The following THRB variants were observed in gnomAD, a reference collection of about 807,000 sequenced individuals.
THRB encodes the protein nuclear receptor subfamily 1 group A member 2.
In THRB, 12 loss-of-function variants were observed where a neutral mutation model predicts 47.8. That is an observed-to-expected ratio of 0.25 (90% CI 0.16 to 0.41). THRB has a LOEUF of 0.41. THRB is among the 10% of genes least tolerant of loss of function. The pLI is 1.00. For synonymous variants in THRB, 218 were observed against 212.2 expected, an observed-to-expected ratio of 1.03 and a Z score of -0.24; for missense variants, 348 against 589.2, an observed-to-expected ratio of 0.59 and a Z score of 4.24.
At chr3:24,417,096 AC>A (rs1560136469) in intron 1 of THRB, among the ~76,000 whole-genome samples, 34 of 2,952 alleles carry the variant, frequency 0.012, no homozygotes, top group African/African-American at 0.016. Flanking sequence ...TTTTAAACCA[AC>A]ACACACACAC....
At chr3:24,328,135 G>T (rs987841419) in intron 2 of THRB, among the ~76,000 whole-genome samples, 1 of 152,074 alleles carries the variant, frequency 6.6e-6, no homozygotes, top group Non-Finnish European at 1.5e-5. Context: ...TAATGTTGGC[G>T]AGGCCATAGG....
chr3:24,241,136 C>A (rs2049451064), intron 3 of THRB, among the ~76,000 whole-genome samples: 1 of 152,048 alleles, frequency 6.6e-6, no homozygotes, highest in African/African-American at 2.4e-5. Context: ...GGGAGTGTAC[C>A]CATTGGGCAC....
At position 24,153,055 on chromosome 3, in the gene THRB, G is replaced by T. The variant is rs112850097; in HGVS notation, c.284-565C>A. ...AGGTGGGAATGGCAGGAAGGCTGTA[G>T]AGCCAGTGACTCAAGCAGAGAGGCC... On this transcript the variant is annotated intron_variant, in intron 5 of 10. Transcript: ENST00000646209. 9.5e-3 allele frequency among the ~76,000 whole-genome samples: 1,437 copies of T among 151,860 alleles called. 16 individuals carry two copies. Among genetic ancestry groups the T allele is most frequent in the African/African-American group, 0.031 (1,274 of 41,378 alleles).
chr3:24,425,435 C>T (rs574904299), intron 1 of THRB, among the ~76,000 whole-genome samples: 23 of 151,832 alleles, frequency 1.5e-4, no homozygotes, highest in Admixed American at 4.6e-4. Flanking sequence ...AATGTGAGTA[C>T]GCACCTTTTT....
At chr3:24,299,841 G>T (rs1170016550) in intron 2 of THRB, among the ~76,000 whole-genome samples, 8 of 141,890 alleles carry the variant, frequency 5.6e-5, no homozygotes, top group Non-Finnish European at 1.2e-4. Context: ...AATGCATGTG[G>T]TTTTCTCTGG....
chr3:24,190,306 C>T lies in THRB; in HGVS notation c.51G>A (p.Pro17=), dbSNP rs920415773. 12 of 1,613,952 alleles carry T rather than the reference C, an allele frequency of 7.4e-6. No homozygotes were observed. Among genetic ancestry groups the T allele is most frequent in the South Asian group, 1.1e-5 (1 of 91,080 alleles). The part of the protein sequence containing the change: ...TENGLTAWDK[P]KHCPDREHDW... ...CGTGTTCTCGGTCTGGACAGTGCTTCGGTTTGTCCCAGGCTGTAAGGCCAT... is the reference window on the plus strand; with the variant it reads ...CGTGTTCTCGGTCTGGACAGTGCTTTGGTTTGTCCCAGGCTGTAAGGCCAT... The change falls in exon 5 of 11, where the codon CCG becomes CCA. Residue 17 remains proline, a synonymous_variant. Coordinates refer to ENST00000646209, the MANE Select transcript of THRB (RefSeq NM_001354712.2).
chr3:24,176,908 C>A (rs1240277812), intron 5 of THRB, among the ~76,000 whole-genome samples: 1 of 152,086 alleles, frequency 6.6e-6, no homozygotes, highest in Non-Finnish European at 1.5e-5. Flanking sequence ...AATCATTGAA[C>A]TATACACTTA....
At chr3:24,364,160 G>T (rs1359314013) in intron 1 of THRB, among the ~76,000 whole-genome samples, 1 of 152,094 alleles carries the variant, frequency 6.6e-6, no homozygotes, top group African/African-American at 2.4e-5. Context: ...AACCAATATG[G>T]AAAAGCATAT....
At position 24,228,996 on chromosome 3, in the gene THRB, C is replaced by A; in HGVS notation, c.-37G>T. On this transcript the variant is annotated 5_prime_UTR_variant, in exon 4 of 11. An upstream start codon of the reference 5' UTR is lost. Coordinates refer to ENST00000646209, the MANE Select transcript of THRB (RefSeq NM_001354712.2). Reference sequence around the variant, plus strand: ...CATTCTGGATCCCTTTTTTCACTGACATCTCCTACAAGGAAAAAATACAAA... The same window carrying A: ...CATTCTGGATCCCTTTTTTCACTGAAATCTCCTACAAGGAAAAAATACAAA... The A allele has an allele frequency of 6.4e-7, 1 of 1,562,914 alleles. No homozygotes were observed. The highest frequency in any genetic ancestry group is 8.7e-7 in the Non-Finnish European group (1 of 1,143,868).
intron 1 of THRB, among the ~76,000 whole-genome samples, chr3:24,402,765 A>G (rs935463219): frequency 6.6e-6 from 1 of 151,984 alleles, no homozygotes; most frequent in African/African-American, 2.4e-5. Context: ...AATGACCATT[A>G]TGGTCAACTC....
intron 3 of THRB, among the ~76,000 whole-genome samples, chr3:24,283,879 T>G (rs2054922622): frequency 6.7e-6 from 1 of 149,182 alleles, no homozygotes; most frequent in Admixed American, 6.7e-5. Context: ...ACAAGGGATG[T>G]GAAGGACCTC....
At chr3:24,366,258 C>T (rs943529104) in intron 1 of THRB, among the ~76,000 whole-genome samples, 1 of 152,132 alleles carries the variant, frequency 6.6e-6, no homozygotes, top group Non-Finnish European at 1.5e-5. Context: ...AACAAGCATT[C>T]TCTACTTATA....
At chr3:24,367,369 A>G (rs2064551075) in intron 1 of THRB, among the ~76,000 whole-genome samples, 1 of 152,178 alleles carries the variant, frequency 6.6e-6, no homozygotes, top group African/African-American at 2.4e-5. Context: ...GAAATTACAG[A>G]CAGGGTAGCA....
At chr3:24,436,557 C>G (rs2070977132) in intron 1 of THRB, among the ~76,000 whole-genome samples, 18 of 152,126 alleles carry the variant, frequency 1.2e-4, no homozygotes. Flanking sequence ...GGAAGTTTAA[C>G]AAGAGCAATG....
At chr3:24,368,759 T>C (rs2064681526) in intron 1 of THRB, among the ~76,000 whole-genome samples, 1 of 152,196 alleles carries the variant, frequency 6.6e-6, no homozygotes, top group Non-Finnish European at 1.5e-5. Flanking sequence ...AGGAAATTTA[T>C]GTACACCAAA....
At chr3:24,141,959 A>G (rs546443479) in intron 8 of THRB, among the ~76,000 whole-genome samples, 1 of 152,348 alleles carries the variant, frequency 6.6e-6, no homozygotes, top group South Asian at 2.1e-4. Context: ...TCAATCCAGA[A>G]TTAGTGCTTT....
At chr3:24,318,774 A>G (rs753646148) in intron 2 of THRB, among the ~76,000 whole-genome samples, 4 of 152,216 alleles carry the variant, frequency 2.6e-5, no homozygotes, top group Non-Finnish European at 4.4e-5. Context: ...TCCCCTGTGC[A>G]TTGTTTATCA....
chr3:24,153,638 T>G (rs1377440840), intron 5 of THRB, among the ~76,000 whole-genome samples: 1 of 152,212 alleles, frequency 6.6e-6, no homozygotes, highest in Admixed American at 6.5e-5. Context: ...TTCAGCTTCC[T>G]GTGGAGAGGA....
At chr3:24,282,732 A>T (rs904259478) in intron 3 of THRB, among the ~76,000 whole-genome samples, 2 of 149,600 alleles carry the variant, frequency 1.3e-5, no homozygotes, top group Admixed American at 6.6e-5. Flanking sequence ...AATAGACGCA[A>T]TAAAAAATGA....
Sources: allele counts gnomAD v4.1 joint callset (sites outside exome capture counted in the v4.1 genomes callset), GRCh38; gene constraint gnomAD v4.1.1; transcripts MANE v1.5; gene names NCBI Gene and HGNC (gene_info 2026-07-23, HGNC 2026-07-21).